GPBP1L1: variants seen among roughly 807,000 people sequenced by gnomAD.
GPBP1L1 encodes vasculin-like protein 1.
A neutral mutation model predicts 52.5 loss-of-function variants in GPBP1L1; 23 were observed. The observed-to-expected ratio is 0.44, with a 90% CI of 0.32 to 0.62. The LOEUF (loss-of-function observed/expected upper bound fraction) is 0.62, where lower values mean the gene tolerates loss of function less well. Among genes scored for constraint, GPBP1L1 ranks in the 20% least tolerant of loss-of-function variants. GPBP1L1 has a pLI of 0.06. For missense variants in GPBP1L1, 596 were observed against 579.3 expected (o/e 1.03, Z -0.30); for synonymous variants, 243 against 203.1 (o/e 1.20, Z -1.67).
intron 2 of GPBP1L1, among the ~76,000 whole-genome samples, chr1:45,672,071 G>A (rs1645080049): frequency 6.6e-6 from 1 of 151,880 alleles, no homozygotes; most frequent in South Asian, 2.1e-4. Flanking sequence ...TTTTTAAAAA[G>A]ATTTATTCAG....
intron 6 of GPBP1L1, among the ~76,000 whole-genome samples, chr1:45,644,176 A>C (rs1302280244): frequency 6.6e-6 from 1 of 152,196 alleles, no homozygotes. Context: ...ATAAGTGGAC[A>C]AATCAGTGAC....
chr1:45,649,807 T>C (rs1569812513), intron 6 of GPBP1L1, among the ~76,000 whole-genome samples: 1 of 152,338 alleles, frequency 6.6e-6, no homozygotes, highest in South Asian at 2.1e-4. Context: ...GAAAGTTCCC[T>C]TCATACCCTT....
At chr1:45,673,929 A>G (rs1467514372) in intron 2 of GPBP1L1, among the ~76,000 whole-genome samples, 1 of 152,200 alleles carries the variant, frequency 6.6e-6, no homozygotes, top group African/African-American at 2.4e-5. Context: ...AAAGTCAATG[A>G]AAGCCAGGCA....
At chr1:45,653,120 AC>A (rs1329525956) in intron 6 of GPBP1L1, among the ~76,000 whole-genome samples, 1 of 152,134 alleles carries the variant, frequency 6.6e-6, no homozygotes, top group Non-Finnish European at 1.5e-5. Flanking sequence ...TACAGCAAGG[AC>A]CCCAGGTCAC....
chr1:45,645,959 T>A (rs370726195), intron 6 of GPBP1L1: 11 of 496,192 alleles, frequency 2.2e-5, no homozygotes, highest in South Asian at 1.5e-4. Flanking sequence ...TCTAGATCTT[T>A]GAGTTGCAAA....
At chr1:45,666,297 C>G (rs1183718531) in intron 2 of GPBP1L1, among the ~76,000 whole-genome samples, 2 of 152,038 alleles carry the variant, frequency 1.3e-5, no homozygotes, top group East Asian at 1.9e-4. Flanking sequence ...AGGCGCCCAC[C>G]ACCACACCCG....
At chr1:45,633,807 G>T in intron 9 of GPBP1L1, 160 bp from the exon 10 acceptor site, 1 of 792,906 alleles carries the variant, frequency 1.3e-6, no homozygotes, top group Non-Finnish European at 2.0e-6. Flanking sequence ...CAGTTTTGCA[G>T]GGTTTATATA....
At chr1:45,664,722 C>T (rs1400346810) in intron 2 of GPBP1L1, among the ~76,000 whole-genome samples, 1 of 151,902 alleles carries the variant, frequency 6.6e-6, no homozygotes, top group African/African-American at 2.4e-5. Flanking sequence ...GTGACCCTGG[C>T]TGGAGTGCAG....
chr1:45,653,723 G>A (rs1375141536), intron 6 of GPBP1L1, among the ~76,000 whole-genome samples: 1 of 136,362 alleles, frequency 7.3e-6, no homozygotes, highest in Non-Finnish European at 1.5e-5. Flanking sequence ...TTTTGAGACA[G>A]AGTCTCACTC....
chr1:45,666,292 C>T (rs1471360795), intron 2 of GPBP1L1, among the ~76,000 whole-genome samples: 1 of 151,958 alleles, frequency 6.6e-6, no homozygotes, highest in Non-Finnish European at 1.5e-5. Flanking sequence ...ACTACAGGCG[C>T]CCACCACCAC....
intron 2 of GPBP1L1, among the ~76,000 whole-genome samples, chr1:45,662,060 A>G (rs1644953427): frequency 6.6e-6 from 1 of 152,178 alleles, no homozygotes; most frequent in Non-Finnish European, 1.5e-5. Context: ...CAGAGATTTA[A>G]AACTTTTATA....
chr1:45,630,345 G>T, intron 11 of GPBP1L1, 137 bp downstream of exon 11: 1 of 965,532 alleles, frequency 1.0e-6, no homozygotes. Context: ...CCAACCTGGG[G>T]CATACACAGA....
At position 45,631,798 on chromosome 1, in the gene GPBP1L1, T is replaced by C. The variant is rs76599075; in HGVS notation, c.1045-1192A>G. On this transcript the variant is annotated intron_variant, in intron 10 of 12. Transcript: ENST00000355105. ...AGCCAGGCATGGTGGCACAAGCCTA[T>C]AGTCCCAGCTACTCGGGAGGCTGAG... Among the ~76,000 whole-genome samples, 92 of 152,306 alleles carry C rather than the reference T, an allele frequency of 6.0e-4. No homozygotes were observed. The East Asian group carries it at 0.013, about 22-fold the overall frequency.
intron 6 of GPBP1L1, among the ~76,000 whole-genome samples, chr1:45,653,696 T>C (rs1331320867): frequency 1.5e-5 from 2 of 131,888 alleles, no homozygotes; most frequent in Non-Finnish European, 3.3e-5. Context: ...TGATAATCTT[T>C]TTTTTCTTTT....
chr1:45,638,815 T>G (rs911416646), intron 8 of GPBP1L1, among the ~76,000 whole-genome samples: 1 of 152,152 alleles, frequency 6.6e-6, no homozygotes, highest in African/African-American at 2.4e-5. Flanking sequence ...AGAAAATTAT[T>G]CACAGAGAGG....
At chr1:45,645,561 A>T (rs1269461615) in intron 6 of GPBP1L1, among the ~76,000 whole-genome samples, 1 of 152,198 alleles carries the variant, frequency 6.6e-6, no homozygotes, top group Non-Finnish European at 1.5e-5. Flanking sequence ...CCCACTTTAA[A>T]AAAGTTATAC....
At chr1:45,681,536 G>GA (rs1645212267) in intron 2 of GPBP1L1, among the ~76,000 whole-genome samples, 2 of 152,110 alleles carry the variant, frequency 1.3e-5, no homozygotes, top group Non-Finnish European at 2.9e-5. Context: ...TAGTACCTAA[G>GA]AAAGAAAAAC....
Position 45,627,690 on chromosome 1 carries a change from C to A in GPBP1L1, c.*566G>T. 6.8e-6 allele frequency: 1 copy of A among 148,134 alleles called. No homozygotes were observed. Among genetic ancestry groups the A allele is most frequent in the Admixed American group, 6.8e-5 (1 of 14,748 alleles). The allele number at this position is 148,134 out of a possible 1,614,324, so 9.2% of individuals were successfully genotyped here. A position where few individuals can be genotyped will look rare whatever the true frequency, so the allele number is the denominator to read the frequency against. On this transcript the variant is annotated 3_prime_UTR_variant, in exon 13 of 13. Coordinates refer to ENST00000355105, the MANE Select transcript of GPBP1L1 (RefSeq NM_021639.5). Reference sequence around the variant, plus strand: ...AGAATAACACAACATTTCCTATATCCAAATATTTTACAGCTGTACCCAAAA... The same window carrying A: ...AGAATAACACAACATTTCCTATATCAAAATATTTTACAGCTGTACCCAAAA...
chr1:45,639,599 G>A (rs536991464), intron 8 of GPBP1L1, among the ~76,000 whole-genome samples: 2 of 149,672 alleles, frequency 1.3e-5, no homozygotes, highest in Non-Finnish European at 3.0e-5. Context: ...AAAAATGGCT[G>A]GGCGTGGCGG....
Sources: gnomAD v4.1 joint callset for allele counts (sites outside exome capture counted in the v4.1 genomes callset) on GRCh38, gnomAD v4.1.1 for gene constraint, MANE v1.5 for transcripts, NCBI Gene and HGNC (gene_info 2026-07-23, HGNC 2026-07-21) for gene names.